Variants in DCLRE1C observed in about 807,000 individuals in gnomAD.
DCLRE1C encodes the protein protein artemis.
In DCLRE1C, 47 loss-of-function variants were observed where a neutral mutation model predicts 61.4. That is an observed-to-expected ratio of 0.77 (90% CI 0.61 to 0.98). DCLRE1C has a LOEUF of 0.98. DCLRE1C is among the 50% of genes least tolerant of loss of function. The pLI is 0.00. For synonymous variants in DCLRE1C, 337 were observed against 287.6 expected (o/e 1.17, Z -1.74); for missense variants, 858 against 816.0 (o/e 1.05, Z -0.63).
Position 14,923,203 on chromosome 10 carries a change from GA to G in DCLRE1C, c.973-135del, listed in dbSNP as rs1837409179. ...GTTCTCAATGCTGGCTGCACGTGGG[GA>G]TCACCAGGGACCTCTTGGGAAAAAA... On this transcript the variant is annotated intron_variant, in intron 11 of 13. Coordinates refer to ENST00000378278, the MANE Select transcript of DCLRE1C (RefSeq NM_001033855.3). 8.5e-6 allele frequency: 6 copies of G among 706,280 alleles called. No homozygotes were observed. The Admixed American group carries it at 1.2e-4, about 15-fold the overall frequency. 43.8% of individuals were successfully genotyped at this position (706,280 alleles called of 1,614,324 possible). A position where few individuals can be genotyped will look rare whatever the true frequency, so the allele number is the denominator to read the frequency against.
At chr10:14,910,432 A>G (rs571555790) in intron 13 of DCLRE1C, among the ~76,000 whole-genome samples, 1 of 152,002 alleles carries the variant, frequency 6.6e-6, no homozygotes, top group Admixed American at 6.6e-5. Flanking sequence ...TTCAGCCTCT[A>G]CCTCTCAGGC....
At chr10:14,939,455 A>G (rs1478853697) in intron 4 of DCLRE1C, among the ~76,000 whole-genome samples, 1 of 136,166 alleles carries the variant, frequency 7.3e-6, no homozygotes, top group African/African-American at 2.8e-5. Context: ...AAAAAAAAAA[A>G]GAACCAGGAA....
rs930637788 is a variant in DCLRE1C, at chr10:14,949,094, A to C, written c.110-7T>G. ...CTTAATCCTTTCATGTGATCTAAAA[A>C]CAAAAGAACAAAAACTCATGAATAT... On this transcript the variant is annotated splice_region_variant and splice_polypyrimidine_tract_variant and intron_variant, in intron 1 of 13. Coordinates refer to ENST00000378278, the MANE Select transcript of DCLRE1C (RefSeq NM_001033855.3). 10 of 1,597,150 alleles carry C rather than the reference A, an allele frequency of 6.3e-6. No homozygotes were observed. In the Admixed American group the frequency reaches 1.0e-4, roughly 16 times the overall value.
rs773046452 is a variant in DCLRE1C, at chr10:14,953,929, C to T, written c.82G>A (p.Ala28Thr). 3 of 1,613,940 alleles carry T rather than the reference C, an allele frequency of 1.9e-6. No individual in the cohort carries two copies. Among genetic ancestry groups the T allele is most frequent in the Non-Finnish European group, 2.5e-6 (3 of 1,179,944 alleles). The change falls in exon 1 of 14, where the codon GCC becomes ACC. Residue 28 changes from alanine to threonine, a missense_variant. By Grantham distance (58) the Ala-to-Thr change is moderately conservative. Coordinates refer to ENST00000378278, the MANE Select transcript of DCLRE1C (RefSeq NM_001033855.3). ...TTGTGGCAGTGGGACAGGAAGTAGG[C>T]GCGGGCCCTCAGGTTCTCCCTATCG... ...RFDRENLRAR[A>T]YFLSHCHKDH...
chr10:14,921,479 C>T (rs919300002), intron 12 of DCLRE1C, among the ~76,000 whole-genome samples: 1 of 152,156 alleles, frequency 6.6e-6, no homozygotes, highest in African/African-American at 2.4e-5. Context: ...CTCTAACTTT[C>T]CCTTCACTGT....
downstream of DCLRE1C, chr10:14,899,757 T>A (rs1009576660): frequency 2.0e-6 from 3 of 1,523,956 alleles, no homozygotes. Context: ...AGCTAAAGAA[T>A]AATTCCCTTT....
chr10:14,910,919 A>G (rs977072355), intron 13 of DCLRE1C, among the ~76,000 whole-genome samples: 1 of 152,224 alleles, frequency 6.6e-6, no homozygotes, highest in Admixed American at 6.5e-5. Flanking sequence ...TCCCTGCTTC[A>G]TAACAGATTC....
At position 14,939,854 on chromosome 10, in the gene DCLRE1C, C is replaced by T. The variant is rs753976764; in HGVS notation, c.262G>A (p.Glu88Lys). 94 of 1,594,988 alleles carry T rather than the reference C, an allele frequency of 5.9e-5. No homozygotes were observed. The highest frequency in any genetic ancestry group is 7.7e-5 in the Non-Finnish European group (90 of 1,164,454). ...ACTAAAGATATCTGGGTAGGAGTCTCGATTTCAATAGATATCTATAAAAAT... is the reference window on the plus strand; with the variant it reads ...ACTAAAGATATCTGGGTAGGAGTCTTGATTTCAATAGATATCTATAAAAAT... ...WKKRIISIEI[E>K]TPTQISLVDE... Residue 88 changes from glutamate (E) to lysine (K), a missense_variant, in exon 4 of 14, where the codon GAG becomes AAG. Glu to Lys is a moderately conservative substitution (Grantham distance 56). Coordinates refer to ENST00000378278, the MANE Select transcript of DCLRE1C (RefSeq NM_001033855.3).
At chr10:14,924,215 G>A (rs1373749354) in intron 11 of DCLRE1C, among the ~76,000 whole-genome samples, 3 of 152,214 alleles carry the variant, frequency 2.0e-5, no homozygotes, top group Non-Finnish European at 1.5e-5. Context: ...CTCTCAATAA[G>A]GAAGTGTCCC....
At chr10:14,900,198 G>A (rs961803694), downstream of DCLRE1C, among the ~76,000 whole-genome samples, 3 of 152,238 alleles carry the variant, frequency 2.0e-5, no homozygotes, top group South Asian at 2.1e-4. Context: ...ACCTTTTAAT[G>A]TCTGAAAGCT....
chr10:14,899,190 A>G (rs1400446825), exon 14 of DCLRE1C: 4 of 701,962 alleles, frequency 5.7e-6, no homozygotes, highest in Non-Finnish European at 1.0e-5. Flanking sequence ...GCATGGCGGT[A>G]TGCACCTGTG....
chr10:14,922,705 G>T (rs1247383964), intron 12 of DCLRE1C, among the ~76,000 whole-genome samples: 1 of 152,100 alleles, frequency 6.6e-6, no homozygotes, highest in Non-Finnish European at 1.5e-5. Context: ...AGAATGACTA[G>T]CTCAGAGAAG....
intron 3 of DCLRE1C, chr10:14,942,561 C>G (rs1398790821): frequency 1.3e-5 from 2 of 152,338 alleles, no homozygotes; most frequent in African/African-American, 2.4e-5. Flanking sequence ...CATACACACA[C>G]GCGAGCACAC....
At chr10:14,935,419 AAAAAT>A (rs745402414) in intron 6 of DCLRE1C, 39 bp downstream of exon 6, 73 of 1,588,854 alleles carry the variant, frequency 4.6e-5, no homozygotes, top group Middle Eastern at 1.7e-4. Flanking sequence ...TCCATTTCAC[AAAAAT>A]AAAATAAAAT....
chr10:14,934,348 A>G (rs544319215), intron 8 of DCLRE1C, 32 bp downstream of exon 8: 62 of 1,597,416 alleles, frequency 3.9e-5, no homozygotes, highest in Non-Finnish European at 4.8e-5. Flanking sequence ...AAAAAAGAAA[A>G]AAGAAAAGAA....
intron 1 of DCLRE1C, 28 bp downstream of exon 1, chr10:14,953,874 G>A (rs902941549): frequency 1.2e-5 from 19 of 1,613,044 alleles, no homozygotes; most frequent in Non-Finnish European, 1.6e-5. Flanking sequence ...AGCGCCCCGG[G>A]AGCGGGCGAC....
rs961174993 is a variant in DCLRE1C at position 14,906,788 on chromosome 10, A to G, written c.*1620T>C. On this transcript the variant is annotated 3_prime_UTR_variant, in exon 14 of 14. Transcript: ENST00000378278. Reference sequence around the variant, plus strand: ...TCCTGAATATCTGTTAAAACTTGTTAAAAATCCTCATACATAACACAAAAG... The same window carrying G: ...TCCTGAATATCTGTTAAAACTTGTTGAAAATCCTCATACATAACACAAAAG... 1.3e-5 allele frequency among the ~76,000 whole-genome samples: 2 copies of G among 152,256 alleles called. No homozygotes were observed. Among genetic ancestry groups the G allele is most frequent in the African/African-American group, 4.8e-5 (2 of 41,472 alleles).
At chr10:14,934,997 A>C (rs1242664619) in intron 6 of DCLRE1C, among the ~76,000 whole-genome samples, 1 of 151,208 alleles carries the variant, frequency 6.6e-6, no homozygotes, top group East Asian at 2.0e-4. Context: ...TAATTTTTGT[A>C]TTTTTTAGTA....
At chr10:14,941,587 A>G (rs1396975210) in intron 3 of DCLRE1C, among the ~76,000 whole-genome samples, 1 of 152,220 alleles carries the variant, frequency 6.6e-6, no homozygotes, top group African/African-American at 2.4e-5. Context: ...AAGCCTAGCC[A>G]TATCAGTTCT....
Sources: allele counts gnomAD v4.1 joint callset (sites outside exome capture counted in the v4.1 genomes callset), GRCh38; gene constraint gnomAD v4.1.1; transcripts MANE v1.5; gene names NCBI Gene and HGNC (gene_info 2026-07-23, HGNC 2026-07-21).